Variants in CDH1 observed in about 807,000 individuals in gnomAD.
The protein encoded by CDH1 is cadherin 1, also known as cadherin-1.
CDH1 carries 35 observed loss-of-function variants against 84.5 expected under a neutral mutation model. That is an observed-to-expected ratio of 0.41 (90% CI 0.32 to 0.55). CDH1 has a LOEUF of 0.55. Ranked by LOEUF, CDH1 falls within the 20% of genes least tolerant of loss-of-function variation. The pLI is 0.19. For missense variants in CDH1, 994 were observed against 1,126.6 expected, an observed-to-expected ratio of 0.88 and a Z score of 1.68; for synonymous variants, 417 against 439.0, an observed-to-expected ratio of 0.95 and a Z score of 0.63.
At chr16:68,752,269 A>T (rs1353833638) in intron 2 of CDH1, among the ~76,000 whole-genome samples, 2 of 152,050 alleles carry the variant, frequency 1.3e-5, no homozygotes, top group Admixed American at 6.6e-5. Context: ...CCTATTTATG[A>T]TAGTAAACCC....
chr16:68,807,798 G>C (rs915578798), intron 3 of CDH1, among the ~76,000 whole-genome samples: 1 of 152,068 alleles, frequency 6.6e-6, no homozygotes, highest in African/African-American at 2.4e-5. Context: ...ATTATATTAT[G>C]GGCTGGGTGT....
At position 68,829,646 on chromosome 16, in the gene CDH1, C is replaced by T. The variant is rs1596972325; in HGVS notation, c.2296-8C>T. The stretch of plus-strand genomic sequence containing the variant: ...TCTTCATTGTACTTCAACCTTTTTT[C>T]TCCAAAGGACTTTGACTTGAGCCAG... On this transcript the variant is annotated splice_region_variant and splice_polypyrimidine_tract_variant and intron_variant, in intron 14 of 15. Transcript: ENST00000261769. 1 of 1,614,054 alleles carries T rather than the reference C, an allele frequency of 6.2e-7. No individual in the cohort carries two copies. The highest frequency in any genetic ancestry group is 8.5e-7 in the Non-Finnish European group (1 of 1,179,978).
intron 2 of CDH1, among the ~76,000 whole-genome samples, chr16:68,795,229 G>A (rs1960326060): frequency 6.6e-6 from 1 of 152,178 alleles, no homozygotes; most frequent in African/African-American, 2.4e-5. Context: ...CAGTATCTGT[G>A]GAGATGGAGT....
rs755571454 is a variant in CDH1 at position 68,813,416 on chromosome 16, C to T, written c.1241C>T (p.Thr414Ile). 1 of 1,614,092 alleles carries T rather than the reference C, an allele frequency of 6.2e-7. No homozygotes were observed. Among genetic ancestry groups the T allele is most frequent in the East Asian group, 2.2e-5 (1 of 44,874 alleles). The change falls in exon 9 of 16, where the codon ACC becomes ATC. Residue 414 changes from threonine (T) to isoleucine (I), a missense_variant. This residue lies in a region of CDH1 where 769 missense variants were observed against 881.8 expected (regional missense o/e 0.87). Coordinates refer to ENST00000261769, the MANE Select transcript of CDH1 (RefSeq NM_004360.5). ...PNTPAWEAVYTILNDDGGQFV... is the reference protein window; with the variant it reads ...PNTPAWEAVYIILNDDGGQFV... ...ACCCCAGCGTGGGAGGCTGTATACACCATATTGAATGATGATGGTGGACAA... is the reference window on the plus strand; with the variant it reads ...ACCCCAGCGTGGGAGGCTGTATACATCATATTGAATGATGATGGTGGACAA...
Position 68,763,131 on chromosome 16 carries a change from T to C in CDH1, c.163+24720T>C, listed in dbSNP as rs530116253. On this transcript the variant is annotated intron_variant, in intron 2 of 15. Coordinates refer to ENST00000261769, the MANE Select transcript of CDH1 (RefSeq NM_004360.5). ...TGCTTTTTACATTGAGGAGAAATTA[T>C]GGTGACAGCTATTCCTGTTTTGCGT... 6.6e-5 allele frequency among the ~76,000 whole-genome samples: 10 copies of C among 152,248 alleles called. No homozygotes were observed. In the East Asian group the frequency reaches 1.4e-3, roughly 21 times the overall value.
chr16:68,811,613 T>A, intron 6 of CDH1, 71 bp from the exon 7 acceptor site: 1 of 1,341,646 alleles, frequency 7.5e-7, no homozygotes, highest in Admixed American at 1.7e-5. Flanking sequence ...AGGGCAGAAT[T>A]GGATTAAGCA....
At chr16:68,807,740 G>C (rs2152129281) in intron 3 of CDH1, among the ~76,000 whole-genome samples, 1 of 152,188 alleles carries the variant, frequency 6.6e-6, no homozygotes. Context: ...TTCAGTTGTT[G>C]AGTAAGCTCT....
At chr16:68,758,187 G>T in intron 2 of CDH1, among the ~76,000 whole-genome samples, 2 of 143,828 alleles carry the variant, frequency 1.4e-5, no homozygotes, top group African/African-American at 2.5e-5. Flanking sequence ...ATTTTGCCTA[G>T]GGTAGGCTTC....
At chr16:68,811,258 G>A (rs867226985) in intron 6 of CDH1, among the ~76,000 whole-genome samples, 18 of 151,888 alleles carry the variant, frequency 1.2e-4, no homozygotes, top group African/African-American at 2.2e-4. Flanking sequence ...TTAGCTGGGC[G>A]TGGCGACGCA....
Position 68,813,484 on chromosome 16 carries a change from A to T in CDH1, c.1309A>T (p.Lys437Ter), listed in dbSNP as rs786201841. 2 of 1,614,202 alleles carry T rather than the reference A, an allele frequency of 1.2e-6. No homozygotes were observed. Among genetic ancestry groups the T allele is most frequent in the Non-Finnish European group, 1.7e-6 (2 of 1,180,034 alleles). Residue 437 changes from lysine (K) to a stop codon, truncating the protein, a stop_gained, in exon 9 of 16, where the codon AAA (lysine) becomes TAA (stop). Transcript: ENST00000261769. LOFTEE classifies it high-confidence loss of function. The stretch of plus-strand genomic sequence containing the variant: ...TCCAGTGAACAACGATGGCATTTTG[A>T]AAACAGCAAAGGTTTGTATGGTACC... The part of the protein sequence containing the change: ...TNPVNNDGIL[K>*]TAKGLDFEAK...
intron 2 of CDH1, among the ~76,000 whole-genome samples, chr16:68,744,884 T>G (rs1300115570): frequency 1.3e-5 from 2 of 152,090 alleles, no homozygotes; most frequent in Admixed American, 6.6e-5. Flanking sequence ...TCCCCTGCGC[T>G]CCCTCTCACC....
intron 2 of CDH1, among the ~76,000 whole-genome samples, chr16:68,738,648 C>T (rs1320235126): frequency 6.6e-6 from 1 of 152,178 alleles, no homozygotes; most frequent in African/African-American, 2.4e-5. Flanking sequence ...GTTGAGGGCA[C>T]TTACTAGAAG....
chr16:68,798,778 G>A (rs1960425913), intron 2 of CDH1, among the ~76,000 whole-genome samples: 1 of 152,074 alleles, frequency 6.6e-6, no homozygotes, highest in Non-Finnish European at 1.5e-5. Context: ...CTTCTGCTGG[G>A]GGTGGGGGAG....
chr16:68,829,632 C>G (rs763184960), intron 14 of CDH1, 22 bp from the exon 15 acceptor site: 1 of 1,613,476 alleles, frequency 6.2e-7, no homozygotes, highest in Non-Finnish European at 8.5e-7. Flanking sequence ...CTTCATTGTA[C>G]TTCAACCTTT....
At chr16:68,828,093 G>A (rs1028417814) in intron 13 of CDH1, 81 bp from the exon 14 acceptor site, 1 of 1,522,102 alleles carries the variant, frequency 6.6e-7, no homozygotes, top group South Asian at 1.1e-5. Context: ...CTGGTATGAG[G>A]GGTGCTCTGT....
intron 2 of CDH1, among the ~76,000 whole-genome samples, chr16:68,766,197 T>C (rs747493324): frequency 1.3e-4 from 20 of 152,168 alleles, no homozygotes; most frequent in Admixed American, 1.0e-3. Flanking sequence ...AGGTAGAGGT[T>C]GCAGTGAGCT....
intron 5 of CDH1, 30 bp from the exon 6 acceptor site, chr16:68,810,167 G>A (rs1327301161): frequency 1.9e-6 from 3 of 1,613,654 alleles, no homozygotes; most frequent in African/African-American, 2.7e-5. Context: ...CCTCATCAGA[G>A]CTCAAGTCAC....
chr16:68,760,412 C>A (rs1225650903), intron 2 of CDH1, among the ~76,000 whole-genome samples: 2 of 151,852 alleles, frequency 1.3e-5, no homozygotes, highest in Non-Finnish European at 2.9e-5. Flanking sequence ...CCACGCCCAG[C>A]CCTTCTAAAG....
chr16:68,737,408 G>T lies in CDH1; in HGVS notation c.-8G>T, dbSNP rs879449703. The stretch of plus-strand genomic sequence containing the variant: ...GCGCCTGCCCTCGCTCGGCGTCCCC[G>T]GCCAGCCATGGGCCCTTGGAGCCGC... On this transcript the variant is annotated 5_prime_UTR_variant, in exon 1 of 16. Coordinates refer to ENST00000261769, the MANE Select transcript of CDH1 (RefSeq NM_004360.5). The T allele has an allele frequency of 2.0e-6, 3 of 1,531,074 alleles. No individual in the cohort carries two copies. The highest frequency in any genetic ancestry group is 2.5e-5 in the East Asian group (1 of 40,682). 94.8% of individuals were successfully genotyped at this position (1,531,074 alleles called of 1,614,324 possible). A position where few individuals can be genotyped will look rare whatever the true frequency, so the allele number is the denominator to read the frequency against.
Sources: gnomAD v4.1 joint callset for allele counts (sites outside exome capture counted in the v4.1 genomes callset) on GRCh38, gnomAD v4.1.1 for gene constraint, gnomAD v4.1.1 regional missense constraint, MANE v1.5 for transcripts, NCBI Gene and HGNC (gene_info 2026-07-23, HGNC 2026-07-21) for gene names.